ZNF846: variants seen among roughly 807,000 people sequenced by gnomAD.
ZNF846 encodes the protein zinc finger protein 846, also known as zinc finger protein 420 pseudogene.
Under a neutral mutation model 16.0 loss-of-function variants are expected in ZNF846, and 15 were observed. The observed-to-expected ratio is 0.94, with a 90% CI of 0.63 to 1.45. The LOEUF (loss-of-function observed/expected upper bound fraction) is 1.45, where lower values mean the gene tolerates loss of function less well. Ranked by LOEUF, ZNF846 falls within the 40% of genes most tolerant of loss-of-function variation. The pLI is 0.00. For missense variants in ZNF846, 714 were observed against 622.3 expected (o/e 1.15, Z -1.57); for synonymous variants, 229 against 212.0 (o/e 1.08, Z -0.70).
intron 1 of ZNF846, among the ~76,000 whole-genome samples, chr19:9,765,351 G>A (rs1047277591): frequency 6.6e-6 from 1 of 151,812 alleles, no homozygotes; most frequent in African/African-American, 2.4e-5. Context: ...CTCCAGCCTG[G>A]CTGACAGAGT....
At chr19:9,776,032 G>A (rs2045437183) in intron 1 of ZNF846, among the ~76,000 whole-genome samples, 1 of 152,228 alleles carries the variant, frequency 6.6e-6, no homozygotes, top group Admixed American at 6.5e-5. Flanking sequence ...AGACAAGAGT[G>A]CAAGCCTTCT....
intron 1 of ZNF846, among the ~76,000 whole-genome samples, chr19:9,783,536 A>ATATATATATATATAT (rs1340564433): frequency 9.2e-5 from 10 of 108,332 alleles, no homozygotes; most frequent in African/African-American, 4.1e-5. Context: ...TAAAAAAAAA[A>ATATATATATATATAT]AAAAAAAAAT....
chr19:9,768,934 G>A (rs2045363516), upstream of ZNF846, among the ~76,000 whole-genome samples: 1 of 152,182 alleles, frequency 6.6e-6, no homozygotes, highest in Admixed American at 6.5e-5. Context: ...TGTCGATATT[G>A]GGAACGACGC....
chr19:9,774,504 C>T (rs2045418014), intron 1 of ZNF846: 6 of 1,086,856 alleles, frequency 5.5e-6, no homozygotes, highest in Non-Finnish European at 8.4e-6. Flanking sequence ...AAGATGGCGG[C>T]CAGCAGGAGG....
At chr19:9,759,973 G>A (rs758254839) in intron 4 of ZNF846, 31 bp from the exon 5 acceptor site, 32 of 1,568,540 alleles carry the variant, frequency 2.0e-5, no homozygotes, top group Non-Finnish European at 2.8e-5. Flanking sequence ...CAGCTTGGGA[G>A]AAAAATTGTG....
rs1357918453 is a variant in ZNF846 at position 9,785,519 on chromosome 19, C to T, written c.-86+419G>A. Among the ~76,000 whole-genome samples, 8 of 133,338 alleles carry T rather than the reference C, an allele frequency of 6.0e-5. No homozygotes were observed. The East Asian group carries it at 1.9e-3, about 32-fold the overall frequency. 87.5% of individuals were successfully genotyped at this position (133,338 alleles called of 152,430 possible). A position where few individuals can be genotyped will look rare whatever the true frequency, so the allele number is the denominator to read the frequency against. On this transcript the variant is annotated intron_variant, in intron 1 of 4. Transcript: ENST00000586814. The stretch of plus-strand genomic sequence containing the variant: ...CCACCCCCATCTCTCCCTTCACCGA[C>T]TCCCCGCCCCCGTCTCTCGCTCACG...
chr19:9,768,071 T>G (rs3810166), intron 1 of ZNF846, among the ~76,000 whole-genome samples: 5,058 of 152,262 alleles, frequency 0.033, 131 homozygotes, highest in South Asian at 0.1. Context: ...TTGAAGCTCT[T>G]TGGGAGGTAC....
chr19:9,770,520 G>C (rs894811522), upstream of ZNF846, among the ~76,000 whole-genome samples: 3 of 144,966 alleles, frequency 2.1e-5, no homozygotes, highest in East Asian at 6.0e-4. Context: ...AATACAAGAC[G>C]CATTTTAAGC....
chr19:9,752,455 A>AAT, intron 5 of ZNF846: 1 of 423,360 alleles, frequency 2.4e-6, no homozygotes, highest in Non-Finnish European at 4.8e-6. Flanking sequence ...AAAAAAAAAA[A>AAT]ATACACAAAA....
At chr19:9,772,555 A>G (rs2045397979), upstream of ZNF846, among the ~76,000 whole-genome samples, 1 of 151,834 alleles carries the variant, frequency 6.6e-6, no homozygotes, top group Non-Finnish European at 1.5e-5. Flanking sequence ...AGCTGAGATC[A>G]TACCGTTGCA....
chr19:9,771,140 C>T (rs187011223), upstream of ZNF846, among the ~76,000 whole-genome samples: 111 of 152,086 alleles, frequency 7.3e-4, no homozygotes, highest in South Asian at 0.011. Flanking sequence ...ACCCTTCCCC[C>T]AGAGTCCCCA....
downstream of ZNF846, among the ~76,000 whole-genome samples, chr19:9,751,825 C>G (rs951252877): frequency 3.3e-5 from 5 of 152,200 alleles, no homozygotes; most frequent in Non-Finnish European, 7.3e-5. Flanking sequence ...ACTCCACCGC[C>G]TATCCCAAAC....
At chr19:9,750,688 G>A (rs2045076968), downstream of ZNF846, among the ~76,000 whole-genome samples, 1 of 152,082 alleles carries the variant, frequency 6.6e-6, no homozygotes, top group African/African-American at 2.4e-5. Context: ...CTTTACTTGT[G>A]GGTCTAGGAA....
exon 1 of ZNF846, chr19:9,768,394 G>A (rs2045351574): frequency 6.6e-6 from 1 of 152,260 alleles, no homozygotes; most frequent in Non-Finnish European, 1.5e-5. Flanking sequence ...AAGGTTGACT[G>A]GCTGCTTTTA....
chr19:9,760,691 A>G (rs190417541), intron 4 of ZNF846, among the ~76,000 whole-genome samples: 1 of 151,306 alleles, frequency 6.6e-6, no homozygotes, highest in South Asian at 2.1e-4. Flanking sequence ...ACAGAGTGAG[A>G]CTCTGTGTCA....
At chr19:9,772,954 G>A (rs1234951873), upstream of ZNF846, among the ~76,000 whole-genome samples, 1 of 152,028 alleles carries the variant, frequency 6.6e-6, no homozygotes, top group Non-Finnish European at 1.5e-5. Context: ...CAGCTACTCA[G>A]GATGAAGTGG....
At chr19:9,761,770 C>G (rs1009390579) in intron 4 of ZNF846, among the ~76,000 whole-genome samples, 1 of 150,986 alleles carries the variant, frequency 6.6e-6, no homozygotes, top group Non-Finnish European at 1.5e-5. Context: ...AAAACTGAGG[C>G]TGGTAGTAAG....
chr19:9,783,542 A>ATATATATATATATATAT (rs61553274), intron 1 of ZNF846, among the ~76,000 whole-genome samples: 4 of 118,414 alleles, frequency 3.4e-5, no homozygotes, highest in African/African-American at 8.1e-5. Flanking sequence ...AAAAAAAAAA[A>ATATATATATATATATAT]AAATATATAT....
chr19:9,766,916 A>AG (rs61281776), intron 1 of ZNF846, among the ~76,000 whole-genome samples: 93 of 151,256 alleles, frequency 6.1e-4, no homozygotes, highest in Non-Finnish European at 1.2e-3. Context: ...AAAAAAAAAA[A>AG]GTGTTCTCTT....
Sources: allele counts gnomAD v4.1 joint callset (sites outside exome capture counted in the v4.1 genomes callset), GRCh38; gene constraint gnomAD v4.1.1; transcripts MANE v1.5; gene names NCBI Gene and HGNC (gene_info 2026-07-23, HGNC 2026-07-21).